The following VRK2 variants were observed in gnomAD, a reference collection of about 807,000 sequenced individuals.
VRK2 encodes VRK serine/threonine kinase 2, also known as serine/threonine-protein kinase VRK2.
Under a neutral mutation model 57.6 loss-of-function variants are expected in VRK2, and 60 were observed. That is an observed-to-expected ratio of 1.04 (90% confidence interval 0.85 to 1.29). The LOEUF (loss-of-function observed/expected upper bound fraction) is 1.29. VRK2 is among the 50% of genes most tolerant of loss of function. The pLI is 0.00. For missense variants in VRK2, 705 were observed against 588.1 expected (o/e 1.20, Z -2.06); for synonymous variants, 231 against 199.2 (o/e 1.16, Z -1.35).
At chr2:58,132,076 C>A (rs1018032922) in intron 9 of VRK2, 148 bp downstream of exon 9, 3 of 917,628 alleles carry the variant, frequency 3.3e-6, no homozygotes, top group African/African-American at 1.7e-5. Flanking sequence ...TTTAAAAAAA[C>A]CAAACAACTA....
intron 8 of VRK2, 31 bp downstream of exon 8, chr2:58,123,264 A>G: frequency 1.3e-6 from 2 of 1,570,210 alleles, no homozygotes; most frequent in Non-Finnish European, 1.7e-6. Context: ...TCTTATTTTT[A>G]TTTCAGAAGA....
At chr2:58,064,475 A>C (rs1668356658) in intron 2 of VRK2, among the ~76,000 whole-genome samples, 1 of 152,176 alleles carries the variant, frequency 6.6e-6, no homozygotes, top group Non-Finnish European at 1.5e-5. Flanking sequence ...TTTAGCAATA[A>C]AATATTTTTA....
In VRK2 at chr2:58,144,028, C is replaced by CAT. The variant is rs922822704; in HGVS notation, c.1024-2282_1024-2281dup. On this transcript the variant is annotated intron_variant, in intron 11 of 12. Transcript: ENST00000340157. ...ATATACATATACACATATATATATA[C>CAT]ATATATACACACACACACACAATGG... Among the ~76,000 whole-genome samples the CAT allele has an allele frequency of 9.6e-4, 144 of 150,450 alleles. 3 individuals carry two copies. The highest frequency in any genetic ancestry group is 5.3e-3 in the East Asian group (27 of 5,134).
chr2:58,090,502 C>T (rs574306285), intron 7 of VRK2, among the ~76,000 whole-genome samples: 5 of 151,746 alleles, frequency 3.3e-5, no homozygotes, highest in Admixed American at 3.3e-4. Flanking sequence ...TAGCCATTAG[C>T]AGTATGTGGC....
intron 2 of VRK2, among the ~76,000 whole-genome samples, chr2:58,031,806 G>C (rs1250603238): frequency 6.6e-6 from 1 of 152,024 alleles, no homozygotes; most frequent in Non-Finnish European, 1.5e-5. Context: ...GTGGAACACG[G>C]ACTTTTCAAT....
intron 1 of VRK2, among the ~76,000 whole-genome samples, chr2:57,970,707 T>C (rs756397821): frequency 1.3e-5 from 2 of 151,940 alleles, no homozygotes; most frequent in Non-Finnish European, 2.9e-5. Flanking sequence ...ATAATATCAT[T>C]AAAATTTATT....
rs765778508 is a variant in VRK2 at position 58,159,468 on chromosome 2, A to C, written c.1302A>C (p.Gln434His). ...CAAACTCATTTTATGAGCCTCATCA[A>C]GATTTTACCAGTCCAGATATATTCA... is the stretch of plus-strand genomic sequence containing the variant. ...QFPNSFYEPH[Q>H]DFTSPDIFKK... is the part of the protein sequence containing the mutation. Residue 434 changes from glutamine (Q) to histidine (H), a missense_variant, in exon 13 of 13, where the codon CAA becomes CAC. By Grantham distance (24) the Gln-to-His change is conservative. Coordinates refer to ENST00000340157, the MANE Select transcript of VRK2 (RefSeq NM_006296.7). 6.2e-7 allele frequency: 1 copy of C among 1,613,716 alleles called. No homozygotes were observed. Among genetic ancestry groups the C allele is most frequent in the Non-Finnish European group, 8.5e-7 (1 of 1,179,760 alleles).
intron 1 of VRK2, among the ~76,000 whole-genome samples, chr2:57,983,378 A>C (rs151060915): frequency 1.2e-4 from 19 of 152,314 alleles, no homozygotes; most frequent in Middle Eastern, 3.4e-3. Context: ...GTAACCTGGG[A>C]TAACTTTCCC....
intron 12 of VRK2, among the ~76,000 whole-genome samples, chr2:58,150,249 G>T (rs1361723961): frequency 6.6e-6 from 1 of 151,176 alleles, no homozygotes. Context: ...CTGATAATTT[G>T]TTGTAGGAAA....
At chr2:57,983,618 G>A (rs918075502) in intron 1 of VRK2, among the ~76,000 whole-genome samples, 1 of 152,164 alleles carries the variant, frequency 6.6e-6, no homozygotes, top group Non-Finnish European at 1.5e-5. Flanking sequence ...CACATTTTGT[G>A]TTTTGGGATT....
intron 1 of VRK2, among the ~76,000 whole-genome samples, chr2:57,942,804 A>G (rs1353063244): frequency 2.6e-5 from 4 of 152,204 alleles, no homozygotes. Context: ...AGGGAAAATG[A>G]TACTTCAGTT....
intron 11 of VRK2, among the ~76,000 whole-genome samples, chr2:58,143,364 GTTTT>G: frequency 6.6e-6 from 1 of 151,986 alleles, no homozygotes; most frequent in Admixed American, 6.6e-5. Flanking sequence ...TGCCCAGGGT[GTTTT>G]CTGTATTTTT....
chr2:58,151,080 A>C (rs72953130), intron 12 of VRK2, among the ~76,000 whole-genome samples: 3,350 of 151,836 alleles, frequency 0.022, 142 homozygotes, highest in African/African-American at 0.077. Context: ...TTGTATACTT[A>C]TGAAGTTTGG....
chr2:58,136,857 ATG>A (rs1198929725), intron 10 of VRK2, among the ~76,000 whole-genome samples: 4 of 114,250 alleles, frequency 3.5e-5, no homozygotes, highest in African/African-American at 1.9e-4. Flanking sequence ...TATCATATAT[ATG>A]TGTATATATA....
chr2:58,066,605 T>G (rs938105016), intron 2 of VRK2, among the ~76,000 whole-genome samples: 1 of 152,204 alleles, frequency 6.6e-6, no homozygotes, highest in Non-Finnish European at 1.5e-5. Context: ...TTCTGAAGTA[T>G]TCTTTCTTTT....
intron 7 of VRK2, among the ~76,000 whole-genome samples, chr2:58,094,159 G>A (rs1046752655): frequency 3.3e-5 from 5 of 152,050 alleles, no homozygotes; most frequent in Non-Finnish European, 7.4e-5. Flanking sequence ...CCCTTTTTTG[G>A]TTCCATATGA....
intron 7 of VRK2, among the ~76,000 whole-genome samples, chr2:58,101,384 A>T (rs1673937417): frequency 6.6e-6 from 1 of 151,750 alleles, no homozygotes; most frequent in Non-Finnish European, 1.5e-5. Flanking sequence ...TTACTTAAAT[A>T]CTTTAGTATG....
chr2:58,069,925 A>G (rs1179815407), intron 2 of VRK2, among the ~76,000 whole-genome samples: 1 of 152,134 alleles, frequency 6.6e-6, no homozygotes, highest in Admixed American at 6.6e-5. Flanking sequence ...TGATTCAAGT[A>G]TGATACTACT....
intron 2 of VRK2, among the ~76,000 whole-genome samples, chr2:58,050,046 A>C (rs1323275079): frequency 6.6e-6 from 1 of 152,224 alleles, no homozygotes; most frequent in Non-Finnish European, 1.5e-5. Context: ...TTGAAAAAAT[A>C]CTATGGTTAT....
Sources: allele counts gnomAD v4.1 joint callset (sites outside exome capture counted in the v4.1 genomes callset), GRCh38; gene constraint gnomAD v4.1.1; transcripts MANE v1.5; gene names NCBI Gene and HGNC (gene_info 2026-07-23, HGNC 2026-07-21).